The following SHROOM2 variants were observed in gnomAD, a reference collection of about 807,000 sequenced individuals.
The protein encoded by SHROOM2 is shroom family member 2, also known as protein Shroom2.
A neutral mutation model predicts 75.9 loss-of-function variants in SHROOM2; 33 were observed. The observed-to-expected ratio is 0.43, with a 90% CI of 0.33 to 0.58. The LOEUF is 0.58. Ranked by LOEUF, SHROOM2 falls within the 20% of genes least tolerant of loss-of-function variation. SHROOM2 has a pLI of 0.04. For synonymous variants in SHROOM2, 655 were observed against 663.6 expected (o/e 0.99, Z 0.20); for missense variants, 1,434 against 1,461.2 (o/e 0.98, Z 0.30).
rs1284409692 is a variant in SHROOM2 at position 9,895,685 on chromosome X, G to A, written c.1777G>A (p.Glu593Lys). ...GCCCCTGTTGCACTCCCTGACCCAG[G>A]AGGGGAAGCGCCGGCCTGAGAGCAG... ...ETPLLHSLTQ[E>K]GKRRPESSPE... The change falls in exon 4 of 10, where the codon GAG becomes AAG. Residue 593 changes from glutamate to lysine, a missense_variant. This residue lies in a region of SHROOM2 where 1,340 missense variants were observed against 1,338.3 expected (regional missense o/e 1.00). Transcript: ENST00000380913. The A allele has an allele frequency of 8.5e-7, 1 of 1,180,522 alleles. No individual in the cohort carries two copies. Among genetic ancestry groups the A allele is most frequent in the Non-Finnish European group, 1.1e-6 (1 of 882,751 alleles).
chrX:9,897,544 C>A (rs192922318), intron 4 of SHROOM2, among the ~76,000 whole-genome samples: 1 of 78,592 alleles, frequency 1.3e-5, no homozygotes, highest in East Asian at 4.1e-4. Context: ...CAAAGCAAGA[C>A]CTTATCTCTA....
intron 2 of SHROOM2, among the ~76,000 whole-genome samples, chrX:9,876,789 A>G (rs1203119761): frequency 8.9e-6 from 1 of 112,245 alleles, no homozygotes; most frequent in African/African-American, 3.2e-5. Flanking sequence ...ATCTCTGTGT[A>G]AAGCACAGGA....
intron 5 of SHROOM2, among the ~76,000 whole-genome samples, chrX:9,911,136 A>G (rs1015923385): frequency 1.4e-4 from 16 of 111,809 alleles, no homozygotes; most frequent in African/African-American, 5.2e-4. Context: ...TAATACGTGA[A>G]GATGAAAAGT....
chrX:9,893,749 C>T (rs912967921), intron 3 of SHROOM2, among the ~76,000 whole-genome samples: 2 of 109,915 alleles, frequency 1.8e-5, no homozygotes, highest in Admixed American at 2.0e-4. Context: ...GTCAGGAATT[C>T]GAGACCAGCC....
chrX:9,896,439 G>A lies in SHROOM2; in HGVS notation c.2531G>A (p.Arg844His), dbSNP rs773234401. Residue 844 changes from arginine (R) to histidine (H), a missense_variant, in exon 4 of 10, where the codon CGC becomes CAC. Physicochemically the swap from Arg to His is conservative, Grantham distance 29 (BLOSUM62 0). This residue lies in a region of SHROOM2 where 1,340 missense variants were observed against 1,338.3 expected (regional missense o/e 1.00). Coordinates refer to ENST00000380913, the MANE Select transcript of SHROOM2 (RefSeq NM_001649.4). ...TGTGAGGGCACGGAGCCCTGGTCGC[G>A]CACCACCTCCCTTGGGGACAGCCTC... is the stretch of plus-strand genomic sequence containing the variant. ...RTCEGTEPWS[R>H]TTSLGDSLNA... 1.7e-5 allele frequency: 21 copies of A among 1,211,647 alleles called. No homozygotes were observed. Among genetic ancestry groups the A allele is most frequent in the Admixed American group, 4.3e-5 (2 of 46,113 alleles).
At chrX:9,793,140 C>T (rs749086678) in intron 1 of SHROOM2, among the ~76,000 whole-genome samples, 1 of 111,837 alleles carries the variant, frequency 8.9e-6, no homozygotes, top group East Asian at 2.8e-4. Flanking sequence ...GATCACTTCC[C>T]CCTCCCTAGA....
At chrX:9,863,207 G>A in intron 1 of SHROOM2, among the ~76,000 whole-genome samples, 1 of 111,515 alleles carries the variant, frequency 9.0e-6, no homozygotes, top group Middle Eastern at 4.6e-3. Flanking sequence ...TCACTCCTGG[G>A]ACAGTCAGCT....
intron 1 of SHROOM2, among the ~76,000 whole-genome samples, chrX:9,825,947 T>A (rs2083885438): frequency 8.9e-6 from 1 of 112,502 alleles, no homozygotes; most frequent in African/African-American, 3.2e-5. Flanking sequence ...ACCGTGTGTG[T>A]TCCCACAGAA....
chrX:9,935,426 C>T (rs1312655371), intron 6 of SHROOM2, among the ~76,000 whole-genome samples: 2 of 110,442 alleles, frequency 1.8e-5, no homozygotes, highest in Non-Finnish European at 3.8e-5. Flanking sequence ...GCAGTCCTCC[C>T]ACCTTAGCCT....
intron 1 of SHROOM2, among the ~76,000 whole-genome samples, chrX:9,827,297 A>C (rs1413888841): frequency 1.1e-5 from 1 of 90,160 alleles, no homozygotes; most frequent in South Asian, 5.2e-4. Context: ...ATCTGGGCTC[A>C]CTGCAGCCTC....
chrX:9,817,872 G>T (rs2083831777), intron 1 of SHROOM2, among the ~76,000 whole-genome samples: 1 of 112,371 alleles, frequency 8.9e-6, no homozygotes, highest in Non-Finnish European at 1.9e-5. Context: ...AAACGATGAT[G>T]TAACATTTGA....
At chrX:9,798,003 C>G (rs189244279) in intron 1 of SHROOM2, among the ~76,000 whole-genome samples, 1 of 111,753 alleles carries the variant, frequency 8.9e-6, no homozygotes, top group Non-Finnish European at 1.9e-5. Context: ...TTTTTTCCCC[C>G]TGGTAGTAGC....
intron 1 of SHROOM2, among the ~76,000 whole-genome samples, chrX:9,802,325 T>A (rs1601913339): frequency 8.9e-6 from 1 of 112,251 alleles, no homozygotes; most frequent in Middle Eastern, 4.6e-3. Context: ...TCTCAGCCCC[T>A]GCCCCATACC....
At chrX:9,847,494 CAT>C (rs1303919964) in intron 1 of SHROOM2, among the ~76,000 whole-genome samples, 2 of 111,704 alleles carry the variant, frequency 1.8e-5, no homozygotes, top group Non-Finnish European at 3.8e-5. Flanking sequence ...ATGTAAGAGA[CAT>C]AGTGTTAGGG....
chrX:9,880,715 G>A (rs899221191), intron 2 of SHROOM2, among the ~76,000 whole-genome samples: 7 of 111,475 alleles, frequency 6.3e-5, no homozygotes, highest in Non-Finnish European at 1.1e-4. Context: ...TGTAACAAAA[G>A]CCTGTTTTTT....
At chrX:9,811,467 A>T (rs1028000417) in intron 1 of SHROOM2, among the ~76,000 whole-genome samples, 3 of 112,201 alleles carry the variant, frequency 2.7e-5, no homozygotes, top group East Asian at 2.8e-4. Flanking sequence ...CTCACATGGG[A>T]TACAAATATC....
At chrX:9,825,172 T>C (rs1452788453) in intron 1 of SHROOM2, among the ~76,000 whole-genome samples, 3 of 112,137 alleles carry the variant, frequency 2.7e-5, no homozygotes, top group Non-Finnish European at 5.6e-5. Flanking sequence ...ATAGCTTAAG[T>C]GGTTAAAAAA....
intron 1 of SHROOM2, among the ~76,000 whole-genome samples, chrX:9,823,401 C>T (rs1207758491): frequency 1.8e-5 from 2 of 110,737 alleles, no homozygotes; most frequent in African/African-American, 6.6e-5. Flanking sequence ...TGTCACCATG[C>T]CTGGCTAATT....
At chrX:9,819,033 TTTTC>T in intron 1 of SHROOM2, 3 of 1,101,024 alleles carry the variant, frequency 2.7e-6, no homozygotes, top group Non-Finnish European at 3.8e-6. Flanking sequence ...TTTCTTTTCC[TTTTC>T]TTTCTTTCCT....
Sources: allele counts gnomAD v4.1 joint callset (sites outside exome capture counted in the v4.1 genomes callset), GRCh38; gene constraint gnomAD v4.1.1; regional missense constraint gnomAD v4.1.1; transcripts MANE v1.5; gene names NCBI Gene and HGNC (gene_info 2026-07-23, HGNC 2026-07-21).